The following KCNS3 variants were observed in gnomAD, a reference collection of about 807,000 sequenced individuals.
KCNS3 encodes delayed-rectifier potassium channel regulatory subunit KCNS3.
A neutral mutation model predicts 31.0 loss-of-function variants in KCNS3; 13 were observed. The observed-to-expected ratio is 0.42, with a 90% confidence interval of 0.27 to 0.67. The LOEUF (loss-of-function observed/expected upper bound fraction) is 0.67, where lower values mean the gene tolerates loss of function less well. Ranked by LOEUF, KCNS3 falls within the 30% of genes least tolerant of loss-of-function variation. KCNS3 has a pLI of 0.25. For missense variants in KCNS3, 545 were observed against 622.4 expected (o/e 0.88, Z 1.32); for synonymous variants, 238 against 241.5 (o/e 0.99, Z 0.13).
In KCNS3 at chr2:17,932,118, T is replaced by C; in HGVS notation, c.1110T>C (p.Thr370=). The change falls in exon 3 of 3, where the codon ACT becomes ACC. Residue 370 remains threonine (T), a synonymous_variant. Transcript: ENST00000304101. ...GGTGGGCCACCATCAGCATGACAAC[T>C]GTGGGCTATGGAGACACCCACCCGG... ...CWWWATISMT[T]VGYGDTHPVT... 8.1e-6 allele frequency: 13 copies of C among 1,614,020 alleles called. No individual in the cohort carries two copies. The highest frequency in any genetic ancestry group is 1.3e-5 in the African/African-American group (1 of 74,988).
At chr2:17,913,651 C>G (rs1662522463) in intron 1 of KCNS3, among the ~76,000 whole-genome samples, 1 of 152,230 alleles carries the variant, frequency 6.6e-6, no homozygotes, top group African/African-American at 2.4e-5. Flanking sequence ...CAGCCCCTGT[C>G]AGCAGATGAA....
Position 17,932,349 on chromosome 2 carries a change from G to T in KCNS3, c.1341G>T (p.Arg447=). 1 of 1,614,070 alleles carries T rather than the reference G, an allele frequency of 6.2e-7. No individual in the cohort carries two copies. The highest frequency in any genetic ancestry group is 8.5e-7 in the Non-Finnish European group (1 of 1,179,980). ...YFNIRDIYAQ[R]MHTFITSLSS... is the part of the protein sequence containing the mutation. ...ACATTAGGGATATATATGCACAGCGGATGCACACCTTCATTACCAGTCTCT... is the reference window on the plus strand; with the variant it reads ...ACATTAGGGATATATATGCACAGCGTATGCACACCTTCATTACCAGTCTCT... The change falls in exon 3 of 3, where the codon CGG becomes CGT. Residue 447 remains arginine (R), a synonymous_variant. Coordinates refer to ENST00000304101, the MANE Select transcript of KCNS3 (RefSeq NM_002252.5).
In KCNS3 at chr2:17,888,629, G is replaced by GTATATA. The variant is rs70964021; in HGVS notation, c.-252+9862_-252+9867dup. 9.7e-4 allele frequency among the ~76,000 whole-genome samples: 90 copies of GTATATA among 92,330 alleles called. 1 individual carries two copies. The highest frequency in any genetic ancestry group is 6.1e-3 in the Middle Eastern group (1 of 164). The allele number at this position is 92,330 out of a possible 152,430, so 60.6% of individuals were successfully genotyped here. A position where few individuals can be genotyped will look rare whatever the true frequency, so the allele number is the denominator to read the frequency against. ...GAACTTAAAGTATAATAAAAAAAAT[G>GTATATA]TATATATATATATATATATATATAT... On this transcript the variant is annotated intron_variant, in intron 1 of 2. Coordinates refer to ENST00000304101, the MANE Select transcript of KCNS3 (RefSeq NM_002252.5).
At chr2:17,887,459 A>C in intron 1 of KCNS3, among the ~76,000 whole-genome samples, 1 of 143,306 alleles carries the variant, frequency 7.0e-6, no homozygotes, top group Non-Finnish European at 1.5e-5. Flanking sequence ...ATTCCTTTTT[A>C]TGGCTGCGTT....
Position 17,931,664 on chromosome 2 carries a change from A to G in KCNS3, c.656A>G (p.Asp219Gly). 2 of 1,614,188 alleles carry G rather than the reference A, an allele frequency of 1.2e-6. No individual in the cohort carries two copies. Among genetic ancestry groups the G allele is most frequent in the Non-Finnish European group, 8.5e-7 (1 of 1,180,030 alleles). ...EFQNEDGEVD[D>G]PVLEGVEIAC... Reference sequence around the variant, plus strand: ...CAGAATGAGGATGGAGAAGTGGATGATCCGGTGCTGGAAGGAGTGGAGATC... The same window carrying G: ...CAGAATGAGGATGGAGAAGTGGATGGTCCGGTGCTGGAAGGAGTGGAGATC... Residue 219 changes from aspartate (D) to glycine (G), a missense_variant, in exon 3 of 3, where the codon GAT becomes GGT. Physicochemically the swap from Asp to Gly is moderately conservative, Grantham distance 94 (BLOSUM62 -1). Transcript: ENST00000304101. This position sits in a 1 kb window ranked among gnomAD's most constrained non-coding sequence, Gnocchi z 5.4.
intron 2 of KCNS3, among the ~76,000 whole-genome samples, chr2:17,928,808 A>T (rs2125254660): frequency 1.3e-5 from 2 of 152,284 alleles, no homozygotes; most frequent in Admixed American, 1.3e-4. Flanking sequence ...CAGACTAGAA[A>T]ACACATCCTC....
chr2:17,896,536 C>CTT (rs531758774), intron 1 of KCNS3, among the ~76,000 whole-genome samples: 1 of 143,854 alleles, frequency 7.0e-6, no homozygotes, highest in African/African-American at 2.5e-5. Context: ...TCCTTAGACT[C>CTT]TTTTTTTTTT....
intron 2 of KCNS3, among the ~76,000 whole-genome samples, chr2:17,925,979 G>A (rs1346801635): frequency 6.6e-6 from 1 of 152,188 alleles, no homozygotes; most frequent in Non-Finnish European, 1.5e-5. Flanking sequence ...AAGCAAATTA[G>A]TTACTACCAA....
chr2:17,908,493 T>C (rs1662392230), intron 1 of KCNS3, among the ~76,000 whole-genome samples: 2 of 152,252 alleles, frequency 1.3e-5, no homozygotes, highest in South Asian at 4.1e-4. Flanking sequence ...CTTTGTTCCG[T>C]TGCTGGCGTG....
At chr2:17,923,524 T>C (rs1307461526) in intron 2 of KCNS3, among the ~76,000 whole-genome samples, 6 of 152,138 alleles carry the variant, frequency 3.9e-5, no homozygotes, top group Non-Finnish European at 7.4e-5. Flanking sequence ...GTAATTTTAG[T>C]GTTATAGCTA....
Position 17,884,118 on chromosome 2 carries a change from AG to A in KCNS3, c.-252+5318del, listed in dbSNP as rs1181797725. Among the ~76,000 whole-genome samples, 11 of 50,720 alleles carry A rather than the reference AG, an allele frequency of 2.2e-4. No individual in the cohort carries two copies. In the Admixed American group the frequency reaches 3.4e-3, roughly 16 times the overall value. 33.3% of individuals were successfully genotyped at this position (50,720 alleles called of 152,430 possible). A position where few individuals can be genotyped will look rare whatever the true frequency, so the allele number is the denominator to read the frequency against. Reference sequence around the variant, plus strand: ...CCAGGGCCTGTTGTGGGGTGGGGGGAGGGGGGAGGGATAGCATTAGGAGATA... The same window carrying A: ...CCAGGGCCTGTTGTGGGGTGGGGGGAGGGGGAGGGATAGCATTAGGAGATA... On this transcript the variant is annotated intron_variant, in intron 1 of 2. Coordinates refer to ENST00000304101, the MANE Select transcript of KCNS3 (RefSeq NM_002252.5).
intron 1 of KCNS3, among the ~76,000 whole-genome samples, chr2:17,917,226 T>A (rs185983603): frequency 1.5e-3 from 231 of 152,332 alleles, no homozygotes; most frequent in African/African-American, 5.5e-3. Flanking sequence ...TGATTTCAAA[T>A]TAGAGCAGCA....
rs964177059 is a variant in KCNS3, at chr2:17,888,655, A to C, written c.-252+9849A>C. Among the ~76,000 whole-genome samples the C allele has an allele frequency of 2.6e-4, 35 of 135,050 alleles. 1 individual carries two copies. The highest frequency in any genetic ancestry group is 6.5e-4 in the East Asian group (3 of 4,646). The allele number at this position is 135,050 out of a possible 152,430, so 88.6% of individuals were successfully genotyped here. A position where few individuals can be genotyped will look rare whatever the true frequency, so the allele number is the denominator to read the frequency against. ...TATATATATATATATATATATATAT[A>C]TATATATATATATATATAAAGAAAA... On this transcript the variant is annotated intron_variant, in intron 1 of 2. Coordinates refer to ENST00000304101, the MANE Select transcript of KCNS3 (RefSeq NM_002252.5).
At chr2:17,907,512 C>A (rs946813130) in intron 1 of KCNS3, among the ~76,000 whole-genome samples, 1 of 152,150 alleles carries the variant, frequency 6.6e-6, no homozygotes, top group Non-Finnish European at 1.5e-5. Flanking sequence ...ATGATGTTAG[C>A]TGGTTATTTT....
At chr2:17,898,778 T>A (rs560837909) in intron 1 of KCNS3, among the ~76,000 whole-genome samples, 5 of 152,304 alleles carry the variant, frequency 3.3e-5, no homozygotes, top group Non-Finnish European at 7.4e-5. Context: ...GCAGACCAAC[T>A]TTGCTGGCAT....
intron 1 of KCNS3, among the ~76,000 whole-genome samples, chr2:17,887,509 A>G (rs1007981017): frequency 2.0e-4 from 30 of 151,592 alleles, no homozygotes; most frequent in Admixed American, 2.6e-4. Flanking sequence ...CTATCTATCT[A>G]TCTATCTATC....
chr2:17,888,631 A>ATATCTATATATC (rs199928504), intron 1 of KCNS3, among the ~76,000 whole-genome samples: 26 of 30,448 alleles, frequency 8.5e-4, no homozygotes, highest in Admixed American at 1.6e-3. Flanking sequence ...AAAAAAATGT[A>ATATCTATATATC]TATATATATA....
At chr2:17,906,881 A>T (rs553845883) in intron 1 of KCNS3, among the ~76,000 whole-genome samples, 14 of 152,274 alleles carry the variant, frequency 9.2e-5, no homozygotes, top group African/African-American at 3.4e-4. Flanking sequence ...ACTTCCAACT[A>T]TGTGGTCAAT....
intron 1 of KCNS3, among the ~76,000 whole-genome samples, chr2:17,912,716 C>T (rs1049469579): frequency 1.3e-5 from 2 of 152,176 alleles, no homozygotes; most frequent in African/African-American, 4.8e-5. Context: ...ACCCATGCAT[C>T]AAGTCTTGGG....
Sources: allele counts gnomAD v4.1 joint callset (sites outside exome capture counted in the v4.1 genomes callset), GRCh38; gene constraint gnomAD v4.1.1; non-coding constraint Gnocchi (gnomAD v3.1); transcripts MANE v1.5; gene names NCBI Gene and HGNC (gene_info 2026-07-23, HGNC 2026-07-21).